Variants in RALYL observed in about 807,000 individuals in gnomAD.
RALYL encodes the protein RNA-binding Raly-like protein.
A neutral mutation model predicts 35.1 loss-of-function variants in RALYL; 29 were observed. That is an observed-to-expected ratio of 0.83 (90% confidence interval 0.61 to 1.13). The LOEUF (loss-of-function observed/expected upper bound fraction) is 1.13, where lower values mean the gene tolerates loss of function less well. Ranked by LOEUF, RALYL falls within the 50% of genes most tolerant of loss-of-function variation. The pLI, the probability that RALYL is intolerant of heterozygous loss-of-function variation, is 0.00. For missense variants in RALYL, 359 were observed against 360.4 expected, an observed-to-expected ratio of 1.00 and a Z score of 0.03; for synonymous variants, 120 against 127.6, an observed-to-expected ratio of 0.94 and a Z score of 0.40.
At chr8:84,568,752 G>T (rs1807113237) in intron 2 of RALYL, among the ~76,000 whole-genome samples, 2 of 137,214 alleles carry the variant, frequency 1.5e-5, no homozygotes, top group South Asian at 2.5e-4. Context: ...TCTAACTGGT[G>T]TGAGATGGTA....
intron 2 of RALYL, among the ~76,000 whole-genome samples, chr8:84,681,947 G>A (rs550131884): frequency 6.6e-6 from 1 of 152,134 alleles, no homozygotes; most frequent in African/African-American, 2.4e-5. Context: ...TACAGTTTTT[G>A]CCCATTCAGT....
intron 4 of RALYL, among the ~76,000 whole-genome samples, chr8:84,842,401 T>C (rs1161256857): frequency 6.6e-6 from 1 of 152,040 alleles, no homozygotes; most frequent in African/African-American, 2.4e-5. Flanking sequence ...ACATACACCC[T>C]CCCAAGACTA....
chr8:84,706,370 T>C (rs1841215280), intron 2 of RALYL, among the ~76,000 whole-genome samples: 1 of 152,128 alleles, frequency 6.6e-6, no homozygotes, highest in Non-Finnish European at 1.5e-5. Context: ...ACAGTTCTCT[T>C]TTTTGCTTTT....
intron 1 of RALYL, 77 bp from the exon 2 acceptor site, chr8:84,529,222 A>C (rs1056883532): frequency 6.8e-7 from 1 of 1,465,158 alleles, no homozygotes; most frequent in South Asian, 1.4e-5. Flanking sequence ...AAAACTGTTA[A>C]AAAGCCACTG....
At chr8:84,226,310 G>T in intron 1 of RALYL, among the ~76,000 whole-genome samples, 1 of 152,176 alleles carries the variant, frequency 6.6e-6, no homozygotes, top group East Asian at 1.9e-4. Flanking sequence ...TGGAAAAATT[G>T]TCTTTCACAA....
chr8:84,602,746 A>G (rs1198826447), intron 2 of RALYL, among the ~76,000 whole-genome samples: 1 of 152,178 alleles, frequency 6.6e-6, no homozygotes, highest in Non-Finnish European at 1.5e-5. Context: ...CAGGCTAACT[A>G]ACTGCTGGGG....
chr8:84,843,086 T>A (rs1407915616), intron 4 of RALYL, among the ~76,000 whole-genome samples: 3 of 152,150 alleles, frequency 2.0e-5, no homozygotes, highest in African/African-American at 7.2e-5. Context: ...TCACCACTCC[T>A]ATTCAACGTA....
At chr8:84,846,528 G>A (rs1834695121) in intron 4 of RALYL, among the ~76,000 whole-genome samples, 1 of 152,138 alleles carries the variant, frequency 6.6e-6, no homozygotes, top group Non-Finnish European at 1.5e-5. Flanking sequence ...TGACTTCATA[G>A]AGTGAGTTAG....
intron 1 of RALYL, among the ~76,000 whole-genome samples, chr8:84,419,115 C>T (rs1257234876): frequency 6.6e-6 from 1 of 152,172 alleles, no homozygotes; most frequent in African/African-American, 2.4e-5. Flanking sequence ...GTTTCCCTTG[C>T]CACTTCCCAG....
intron 2 of RALYL, among the ~76,000 whole-genome samples, chr8:84,652,887 A>G (rs919426849): frequency 1.4e-4 from 21 of 152,090 alleles, no homozygotes; most frequent in African/African-American, 5.1e-4. Context: ...CACACTAAGA[A>G]ACCAGGATTA....
At chr8:84,750,593 G>A (rs905879843) in intron 2 of RALYL, among the ~76,000 whole-genome samples, 2 of 152,160 alleles carry the variant, frequency 1.3e-5, no homozygotes, top group Admixed American at 1.3e-4. Context: ...GGGCATTTAA[G>A]AGGAAATAAG....
At position 84,846,046 on chromosome 8, in the gene RALYL, G is replaced by A. The variant is rs549793870; in HGVS notation, c.366-3934G>A. Among the ~76,000 whole-genome samples, 5 of 152,262 alleles carry A rather than the reference G, an allele frequency of 3.3e-5. No homozygotes were observed. The South Asian group carries it at 1.0e-3, about 32-fold the overall frequency. On this transcript the variant is annotated intron_variant, in intron 4 of 8. Transcript: ENST00000521268. ...GCTTTTTGGTTACCGTAGCCTTGTA[G>A]TATAGTTTGAAGTAGGATAATGTGA...
chr8:84,661,942 G>A (rs1426825557), intron 2 of RALYL, among the ~76,000 whole-genome samples: 1 of 139,814 alleles, frequency 7.2e-6, no homozygotes, highest in African/African-American at 2.6e-5. Context: ...TTTTGTTACT[G>A]TTTTTTTTTT....
intron 1 of RALYL, among the ~76,000 whole-genome samples, chr8:84,315,913 G>T (rs1586214053): frequency 6.6e-6 from 1 of 151,802 alleles, no homozygotes; most frequent in Non-Finnish European, 1.5e-5. Context: ...ATTACAGGTT[G>T]CTTTGGTAAT....
chr8:84,626,402 C>T (rs1822741811), intron 2 of RALYL, among the ~76,000 whole-genome samples: 2 of 152,194 alleles, frequency 1.3e-5, no homozygotes, highest in African/African-American at 2.4e-5. Flanking sequence ...TTATTAGTTT[C>T]TGACCACACG....
chr8:84,378,460 T>C (rs1857345005), intron 1 of RALYL, among the ~76,000 whole-genome samples: 1 of 151,966 alleles, frequency 6.6e-6, no homozygotes, highest in Non-Finnish European at 1.5e-5. Context: ...ATTTTAGGCA[T>C]ATATGAATAA....
intron 1 of RALYL, among the ~76,000 whole-genome samples, chr8:84,243,772 T>G (rs999313568): frequency 6.6e-6 from 1 of 152,126 alleles, no homozygotes; most frequent in African/African-American, 2.4e-5. Flanking sequence ...GAGAATACCC[T>G]TCTAGCTGGG....
intron 1 of RALYL, among the ~76,000 whole-genome samples, chr8:84,488,664 T>C (rs1205754529): frequency 2.0e-5 from 3 of 151,970 alleles, no homozygotes; most frequent in Non-Finnish European, 2.9e-5. Context: ...GTTATCCCAT[T>C]TCCCATTCAT....
chr8:84,727,310 T>C (rs1845152031), intron 2 of RALYL, among the ~76,000 whole-genome samples: 2 of 152,052 alleles, frequency 1.3e-5, no homozygotes, highest in South Asian at 4.1e-4. Context: ...CTGTAAGGAG[T>C]TATTACCTTC....
Sources: gnomAD v4.1 joint callset for allele counts (sites outside exome capture counted in the v4.1 genomes callset) on GRCh38, gnomAD v4.1.1 for gene constraint, MANE v1.5 for transcripts, NCBI Gene and HGNC (gene_info 2026-07-23, HGNC 2026-07-21) for gene names.